The following SRRM4 variants were observed in gnomAD, a reference collection of about 807,000 sequenced individuals.
The protein encoded by SRRM4 is serine/arginine repetitive matrix protein 4.
A neutral mutation model predicts 68.9 loss-of-function variants in SRRM4; 33 were observed. That is an observed-to-expected ratio of 0.48 (90% CI 0.36 to 0.64). SRRM4 has a LOEUF of 0.64. SRRM4 is among the 30% of genes least tolerant of loss of function. The probability of loss-of-function intolerance (pLI) is 0.00; values close to 1 mark genes in which losing one functional copy is unlikely to be tolerated. For missense variants in SRRM4, 817 were observed against 827.1 expected (o/e 0.99, Z 0.15); for synonymous variants, 318 against 318.8 (o/e 1.00, Z 0.03).
At chr12:119,051,080 G>T (rs966115258) in intron 1 of SRRM4, among the ~76,000 whole-genome samples, 1 of 152,072 alleles carries the variant, frequency 6.6e-6, no homozygotes, top group African/African-American at 2.4e-5. Context: ...GGTGTTTTTG[G>T]TTGTCACAAC....
intron 1 of SRRM4, among the ~76,000 whole-genome samples, chr12:119,087,574 G>A (rs1483523759): frequency 2.0e-5 from 3 of 151,674 alleles, no homozygotes; most frequent in African/African-American, 7.2e-5. Flanking sequence ...GGGAATATTG[G>A]TCGATGGGGT....
At chr12:119,041,667 T>C (rs1214924484) in intron 1 of SRRM4, among the ~76,000 whole-genome samples, 1 of 152,174 alleles carries the variant, frequency 6.6e-6, no homozygotes, top group Non-Finnish European at 1.5e-5. Flanking sequence ...AGGATGCCTT[T>C]GTATTTTTAG....
intron 7 of SRRM4, among the ~76,000 whole-genome samples, chr12:119,126,755 C>T (rs1954263823): frequency 6.6e-6 from 1 of 151,924 alleles, no homozygotes; most frequent in South Asian, 2.1e-4. Flanking sequence ...AAGACACATG[C>T]ACACGTATGT....
intron 1 of SRRM4, among the ~76,000 whole-genome samples, chr12:119,099,160 A>C (rs539801429): frequency 1.3e-4 from 20 of 152,180 alleles, no homozygotes; most frequent in Non-Finnish European, 2.5e-4. Flanking sequence ...TTATAGGCAG[A>C]GGCTCATTCT....
intron 1 of SRRM4, among the ~76,000 whole-genome samples, chr12:119,099,885 T>A (rs908953345): frequency 2.0e-5 from 3 of 152,192 alleles, no homozygotes; most frequent in African/African-American, 4.8e-5. Flanking sequence ...GAAGCTACCT[T>A]TTGTGACCAA....
chr12:119,074,812 A>C (rs10849625), intron 1 of SRRM4, among the ~76,000 whole-genome samples: 86,936 of 152,046 alleles, frequency 0.57, 25,857 homozygotes, highest in Middle Eastern at 0.76. Context: ...TGCAACCCTA[A>C]AAATAAGCCA....
chr12:119,140,508 A>G (rs1592914336), intron 8 of SRRM4, among the ~76,000 whole-genome samples: 1 of 151,894 alleles, frequency 6.6e-6, no homozygotes, highest in South Asian at 2.1e-4. Flanking sequence ...ACTTCCCACT[A>G]CCCTTCCCAG....
At chr12:119,144,378 C>G (rs1222177033) in intron 8 of SRRM4, among the ~76,000 whole-genome samples, 1 of 152,126 alleles carries the variant, frequency 6.6e-6, no homozygotes, top group Non-Finnish European at 1.5e-5. Context: ...AATTGATGCC[C>G]CCACCCGTCA....
chr12:119,011,935 G>T (rs545364385), intron 1 of SRRM4, among the ~76,000 whole-genome samples: 1 of 152,274 alleles, frequency 6.6e-6, no homozygotes, highest in African/African-American at 2.4e-5. Flanking sequence ...TGGGGATGAT[G>T]GTAGTGTCCA....
At chr12:119,107,954 T>G (rs1954117224) in intron 2 of SRRM4, among the ~76,000 whole-genome samples, 1 of 152,224 alleles carries the variant, frequency 6.6e-6, no homozygotes, top group African/African-American at 2.4e-5. Context: ...GGGCATTTAG[T>G]GCTATAAATT....
chr12:119,154,242 G>A lies in SRRM4; in HGVS notation c.1392-1G>A, dbSNP rs1321803101. On this transcript the variant is annotated splice_acceptor_variant, in intron 11 of 12. Transcript: ENST00000267260. LOFTEE classifies it high-confidence loss of function. The surrounding 1 kb of genome is among the most constrained non-coding windows in gnomAD (Gnocchi z 4.7). ...CCCAGTAACCCCCCGCGCCCCTTCA[G>A]GGAGCGGGATCCCAAATACAGTGAG... 6.2e-7 allele frequency: 1 copy of A among 1,600,590 alleles called. No individual in the cohort carries two copies. Among genetic ancestry groups the A allele is most frequent in the Non-Finnish European group, 8.5e-7 (1 of 1,172,450 alleles).
chr12:119,031,184 T>A (rs933133118), intron 1 of SRRM4: 13 of 152,166 alleles, frequency 8.5e-5, no homozygotes, highest in Admixed American at 2.6e-4. Context: ...TGGGGAAGGG[T>A]CTGCTTTCAT....
rs145076913 is a variant in SRRM4 at position 119,059,952 on chromosome 12, A to C, written c.132-42284A>C. On this transcript the variant is annotated intron_variant, in intron 1 of 12. Coordinates refer to ENST00000267260, the MANE Select transcript of SRRM4 (RefSeq NM_194286.4). ...GTAGAAGATTTGTGTTGACTGGTTC[A>C]TCAGCCAGTTCTCTGCTTCATGTCA... 7.8e-3 allele frequency among the ~76,000 whole-genome samples: 1,185 copies of C among 152,272 alleles called. 10 individuals carry two copies. The highest frequency in any genetic ancestry group is 0.017 in the Middle Eastern group (5 of 294).
intron 1 of SRRM4, among the ~76,000 whole-genome samples, chr12:118,986,774 G>T (rs1371673837): frequency 6.6e-6 from 1 of 151,996 alleles, no homozygotes; most frequent in African/African-American, 2.4e-5. Context: ...CTCCACCACT[G>T]CTCCAGGCCA....
At chr12:119,080,994 T>C (rs1277645841) in intron 1 of SRRM4, among the ~76,000 whole-genome samples, 1 of 152,074 alleles carries the variant, frequency 6.6e-6, no homozygotes. Flanking sequence ...CAACTGAGGG[T>C]GAGGAGCTTT....
chr12:119,140,417 G>A (rs2136063093), intron 8 of SRRM4, among the ~76,000 whole-genome samples: 1 of 151,330 alleles, frequency 6.6e-6, no homozygotes, highest in South Asian at 2.1e-4. Flanking sequence ...TAGTCGTCCT[G>A]ATGTGCTACC....
Position 119,127,665 on chromosome 12 carries a change from T to A in SRRM4, c.614+2186T>A, listed in dbSNP as rs184606315. ...ATCACTTGAACCCAGGAGACGGAGG[T>A]TGCAGTGAGCCAAGATTGCACCATT... On this transcript the variant is annotated intron_variant, in intron 7 of 12. Coordinates refer to ENST00000267260, the MANE Select transcript of SRRM4 (RefSeq NM_194286.4). 2.6e-4 allele frequency among the ~76,000 whole-genome samples: 38 copies of A among 148,422 alleles called. No individual in the cohort carries two copies. In the East Asian group the frequency reaches 4.9e-3, roughly 19 times the overall value.
In SRRM4 at chr12:119,047,690, C is replaced by T. The variant is rs376808155; in HGVS notation, c.132-54546C>T. On this transcript the variant is annotated intron_variant, in intron 1 of 12. Transcript: ENST00000267260. The stretch of plus-strand genomic sequence containing the variant: ...ACTCATTTCCCTGGACCAGTGGTCA[C>T]CTGGACAAGTTCCAACGTGATGGTA... Among the ~76,000 whole-genome samples the T allele has an allele frequency of 4.2e-4, 64 of 152,326 alleles. 2 individuals are homozygous for T. The highest frequency in any genetic ancestry group is 1.4e-3 in the African/African-American group (59 of 41,568).
chr12:119,008,404 T>C (rs1022900069), intron 1 of SRRM4, among the ~76,000 whole-genome samples: 1 of 152,058 alleles, frequency 6.6e-6, no homozygotes, highest in Non-Finnish European at 1.5e-5. Context: ...TGTTATCTAA[T>C]ATCTATTCAA....
Sources: allele counts gnomAD v4.1 joint callset (sites outside exome capture counted in the v4.1 genomes callset), GRCh38; gene constraint gnomAD v4.1.1; non-coding constraint Gnocchi (gnomAD v3.1); transcripts MANE v1.5; gene names NCBI Gene and HGNC (gene_info 2026-07-23, HGNC 2026-07-21).